MSRA: variants seen among roughly 807,000 people sequenced by gnomAD.
The protein encoded by MSRA is methionine sulfoxide reductase A.
Under a neutral mutation model 31.3 loss-of-function variants are expected in MSRA, and 54 were observed. That is an observed-to-expected ratio of 1.73 (90% confidence interval 1.39 to 2.17). MSRA has a LOEUF of 2.17. Among genes scored for constraint, MSRA ranks in the 30% most tolerant of loss-of-function variants. The pLI is 0.00. For synonymous variants in MSRA, 169 were observed against 116.5 expected (o/e 1.45, Z -2.90); for missense variants, 507 against 300.9 (o/e 1.69, Z -5.07).
chr8:10,216,014 A>T (rs1326135921), intron 2 of MSRA, among the ~76,000 whole-genome samples: 1 of 152,218 alleles, frequency 6.6e-6, no homozygotes, highest in African/African-American at 2.4e-5. Context: ...ATAGGTATAG[A>T]GAACAACTAA....
chr8:10,302,444 C>G (rs563224444), intron 4 of MSRA, among the ~76,000 whole-genome samples: 2 of 152,174 alleles, frequency 1.3e-5, no homozygotes, highest in Non-Finnish European at 2.9e-5. Context: ...TCTATTTCAC[C>G]AAAGTATTTT....
chr8:10,255,745 C>G (rs371112980), intron 3 of MSRA, among the ~76,000 whole-genome samples: 3 of 150,612 alleles, frequency 2.0e-5, no homozygotes, highest in African/African-American at 7.3e-5. Context: ...AAATCACATA[C>G]TGGGGGCTGG....
rs151331542 is a variant in MSRA, at chr8:10,240,972, C to T, written c.212-4132C>T. 8.0e-3 allele frequency among the ~76,000 whole-genome samples: 1,222 copies of T among 152,158 alleles called. 10 individuals are homozygous for T. The highest frequency in any genetic ancestry group is 0.043 in the South Asian group (205 of 4,816). The stretch of plus-strand genomic sequence containing the variant: ...TGCTGGGGGAGTCTGGCTTCCTATT[C>T]GTGCAGCTCACGCGTGCCCTCTGGT... On this transcript the variant is annotated intron_variant, in intron 2 of 5. Coordinates refer to ENST00000317173, the MANE Select transcript of MSRA (RefSeq NM_012331.5).
intron 5 of MSRA, among the ~76,000 whole-genome samples, chr8:10,383,245 TG>T (rs1392923123): frequency 6.6e-6 from 1 of 151,978 alleles, no homozygotes; most frequent in African/African-American, 2.4e-5. Flanking sequence ...CTGTGTGAGA[TG>T]GGGGTCACAG....
intron 5 of MSRA, among the ~76,000 whole-genome samples, chr8:10,377,099 C>T (rs772640774): frequency 2.6e-5 from 4 of 152,236 alleles, no homozygotes; most frequent in African/African-American, 4.8e-5. Context: ...CAGTAATTCA[C>T]GTTATGCAGC....
chr8:10,359,363 T>A (rs532194432), intron 5 of MSRA, among the ~76,000 whole-genome samples: 28 of 152,268 alleles, frequency 1.8e-4, no homozygotes, highest in Admixed American at 1.2e-3. Flanking sequence ...TATATACTGG[T>A]TTTTATGTTC....
intron 1 of MSRA, among the ~76,000 whole-genome samples, chr8:10,186,459 G>C (rs1807062667): frequency 6.6e-6 from 1 of 152,112 alleles, no homozygotes; most frequent in Non-Finnish European, 1.5e-5. Context: ...GTGTCATGAA[G>C]TACTTCTAAT....
chr8:10,152,747 A>G (rs775741193), intron 1 of MSRA, among the ~76,000 whole-genome samples: 4 of 152,242 alleles, frequency 2.6e-5, no homozygotes, highest in Non-Finnish European at 4.4e-5. Context: ...AGTATTCACA[A>G]TAGCTCCACG....
intron 1 of MSRA, among the ~76,000 whole-genome samples, chr8:10,151,266 A>AC (rs1421206634): frequency 4.4e-5 from 3 of 68,290 alleles, no homozygotes; most frequent in Non-Finnish European, 9.3e-5. Flanking sequence ...TGTCTCAAAA[A>AC]AAAAAAAAAA....
At chr8:10,097,190 T>A (rs1036784261) in intron 1 of MSRA, among the ~76,000 whole-genome samples, 1 of 152,214 alleles carries the variant, frequency 6.6e-6, no homozygotes, top group African/African-American at 2.4e-5. Flanking sequence ...GAAAAATATA[T>A]GAAATCTAAC....
intron 5 of MSRA, among the ~76,000 whole-genome samples, chr8:10,380,998 T>A (rs1806035575): frequency 6.6e-6 from 1 of 151,680 alleles, no homozygotes; most frequent in Admixed American, 6.6e-5. Flanking sequence ...AAGAGATGCA[T>A]AGATGGATGG....
chr8:10,118,710 C>G (rs781235711), intron 1 of MSRA, among the ~76,000 whole-genome samples: 1 of 152,180 alleles, frequency 6.6e-6, no homozygotes, highest in Admixed American at 6.5e-5. Flanking sequence ...TCTGAGGACG[C>G]CTGGCCTCAT....
intron 1 of MSRA, among the ~76,000 whole-genome samples, chr8:10,151,695 G>A (rs774749237): frequency 1.3e-5 from 2 of 152,142 alleles, no homozygotes; most frequent in African/African-American, 2.4e-5. Flanking sequence ...GAGAAAGGGC[G>A]TTGAGTGCTT....
chr8:10,228,571 G>A lies in MSRA; in HGVS notation c.212-16533G>A, dbSNP rs139855048. Among the ~76,000 whole-genome samples the A allele has an allele frequency of 3.0e-4, 45 of 152,328 alleles. 1 individual carries two copies. The East Asian group carries it at 8.5e-3, about 29-fold the overall frequency. On this transcript the variant is annotated intron_variant, in intron 2 of 5. Transcript: ENST00000317173. The stretch of plus-strand genomic sequence containing the variant: ...TCTGCACGGGGAGGCTGTTAATTCA[G>A]CTTGCTTGCAGGCATCCGTAGTGGT...
At chr8:10,225,656 C>A (rs995263225) in intron 2 of MSRA, among the ~76,000 whole-genome samples, 1 of 152,126 alleles carries the variant, frequency 6.6e-6, no homozygotes, top group Non-Finnish European at 1.5e-5. Context: ...CTTCTTTGGG[C>A]TTTAGCTGTT....
intron 1 of MSRA, among the ~76,000 whole-genome samples, chr8:10,133,614 C>T (rs568728768): frequency 1.3e-5 from 2 of 152,134 alleles, no homozygotes; most frequent in Non-Finnish European, 2.9e-5. Context: ...TTTAGTATAC[C>T]CACAGTGGGG....
At chr8:10,156,990 C>A (rs536194458) in intron 1 of MSRA, among the ~76,000 whole-genome samples, 1 of 151,608 alleles carries the variant, frequency 6.6e-6, no homozygotes, top group Non-Finnish European at 1.5e-5. Flanking sequence ...AAGTCTTCTC[C>A]ATTCTTCATC....
chr8:10,193,662 A>C (rs1807726259), intron 1 of MSRA, among the ~76,000 whole-genome samples: 1 of 151,584 alleles, frequency 6.6e-6, no homozygotes, highest in Admixed American at 6.6e-5. Flanking sequence ...AGGCAAGTGT[A>C]AAAAAGCACC....
At chr8:10,238,724 C>A (rs369860894) in intron 2 of MSRA, among the ~76,000 whole-genome samples, 13 of 152,106 alleles carry the variant, frequency 8.5e-5, no homozygotes, top group African/African-American at 2.9e-4. Flanking sequence ...AAAAAGTAAA[C>A]TGAATCCCCA....
Sources: allele counts gnomAD v4.1 joint callset (sites outside exome capture counted in the v4.1 genomes callset), GRCh38; gene constraint gnomAD v4.1.1; transcripts MANE v1.5; gene names NCBI Gene and HGNC (gene_info 2026-07-23, HGNC 2026-07-21).